The following PPP1R1C variants were observed in gnomAD, a reference collection of about 807,000 sequenced individuals.
PPP1R1C encodes the protein protein phosphatase 1 regulatory inhibitor subunit 1C.
Under a neutral mutation model 17.4 loss-of-function variants are expected in PPP1R1C, and 15 were observed. The ratio of observed to expected loss-of-function variants is 0.86; its 90% confidence interval spans 0.58 to 1.33. The LOEUF is 1.33. Among genes scored for constraint, PPP1R1C ranks in the 40% most tolerant of loss-of-function variants. The pLI, the probability that PPP1R1C is intolerant of heterozygous loss-of-function variation, is 0.00. For synonymous variants in PPP1R1C, 35 were observed against 43.1 expected, an observed-to-expected ratio of 0.81 and a Z score of 0.73; for missense variants, 143 against 130.0, an observed-to-expected ratio of 1.10 and a Z score of -0.48.
chr2:182,079,115 A>G (rs1042390036), intron 4 of PPP1R1C, among the ~76,000 whole-genome samples: 1 of 152,246 alleles, frequency 6.6e-6, no homozygotes, highest in Non-Finnish European at 1.5e-5. Flanking sequence ...AGAAACCATT[A>G]AATCAGGCTA....
At chr2:182,014,426 G>A (rs188695102) in intron 2 of PPP1R1C, among the ~76,000 whole-genome samples, 55 of 152,254 alleles carry the variant, frequency 3.6e-4, no homozygotes, top group African/African-American at 1.3e-3. Context: ...GCTGAGCTGT[G>A]TAGAACTCTG....
downstream of PPP1R1C, among the ~76,000 whole-genome samples, chr2:182,119,050 C>T (rs1559100736): frequency 1.3e-5 from 2 of 151,970 alleles, no homozygotes; most frequent in Non-Finnish European, 2.9e-5. Flanking sequence ...GCTATCCCTC[C>T]CCCCACCACC....
At position 181,961,657 on chromosome 2, in the gene PPP1R1C, A is replaced by G; in HGVS notation, n.111+7023A>G. ...AGTGACCACTGTGGTGCTCTTCTCA[A>G]TCTGCTGAGACCAGCACTTGTCCAG... On this transcript the variant is annotated intron_variant and non_coding_transcript_variant, in intron 1 of 5. Coordinates refer to the PPP1R1C transcript ENST00000464264. The surrounding 1 kb of genome is among the most constrained non-coding windows in gnomAD (Gnocchi z 5.8). The G allele has an allele frequency of 2.7e-6, 2 of 754,396 alleles. No homozygotes were observed. Among genetic ancestry groups the G allele is most frequent in the Non-Finnish European group, 4.8e-6 (2 of 417,068 alleles). 46.7% of individuals were successfully genotyped at this position (754,396 alleles called of 1,614,324 possible).
chr2:182,115,971 G>T (rs147165997), intron 4 of PPP1R1C, among the ~76,000 whole-genome samples: 2,585 of 152,136 alleles, frequency 0.017, 38 homozygotes, highest in South Asian at 0.058. Context: ...GTGTAAAATT[G>T]CCCACGTTAA....
rs1471557631 is a variant in PPP1R1C, at chr2:181,976,009, T to C, written n.157+745T>C. On this transcript the variant is annotated intron_variant and non_coding_transcript_variant, in intron 2 of 5. Coordinates refer to the PPP1R1C transcript ENST00000464264. This position sits in a 1 kb window ranked among gnomAD's most constrained non-coding sequence, Gnocchi z 4.8. The stretch of plus-strand genomic sequence containing the variant: ...TCAAAATGCAAAAGAACCTTAAAAA[T>C]ATTATTTAAAATTATCTTTGTTATT... Among the ~76,000 whole-genome samples the C allele has an allele frequency of 6.6e-6, 1 of 152,108 alleles. No homozygotes were observed. The highest frequency in any genetic ancestry group is 1.5e-5 in the Non-Finnish European group (1 of 67,936).
intron 4 of PPP1R1C, among the ~76,000 whole-genome samples, chr2:182,089,175 A>C (rs914823279): frequency 1.3e-5 from 2 of 152,216 alleles, no homozygotes; most frequent in African/African-American, 4.8e-5. Flanking sequence ...GGAGCCAGAC[A>C]ATTCTGAAAT....
chr2:181,987,756 G>A, intron 1 of PPP1R1C, 83 bp from the exon 2 acceptor site: 1 of 1,401,960 alleles, frequency 7.1e-7, no homozygotes, highest in African/African-American at 1.4e-5. Flanking sequence ...AAAGATGAGG[G>A]TGAGACAGCT....
At chr2:182,095,984 C>CA (rs1337771663) in intron 4 of PPP1R1C, among the ~76,000 whole-genome samples, 2 of 124,502 alleles carry the variant, frequency 1.6e-5, no homozygotes, top group Non-Finnish European at 3.3e-5. Flanking sequence ...CAGACACACA[C>CA]AAAAAAACTC....
chr2:182,114,666 G>A (rs577041213), intron 4 of PPP1R1C, among the ~76,000 whole-genome samples: 68 of 152,244 alleles, frequency 4.5e-4, no homozygotes, highest in African/African-American at 1.2e-3. Context: ...CAAAGAATTC[G>A]TGGTAGATAT....
At chr2:182,035,874 C>G (rs1435047890) in intron 2 of PPP1R1C, among the ~76,000 whole-genome samples, 1 of 152,052 alleles carries the variant, frequency 6.6e-6, no homozygotes, top group Non-Finnish European at 1.5e-5. Flanking sequence ...TTCTTGCTAC[C>G]AATTCTAAAT....
At chr2:181,990,818 C>T (rs758198818) in intron 2 of PPP1R1C, among the ~76,000 whole-genome samples, 3 of 152,124 alleles carry the variant, frequency 2.0e-5, no homozygotes, top group Non-Finnish European at 4.4e-5. Context: ...CTCCTGTCCC[C>T]CAAAAGCAAT....
rs1559088788 is a variant in PPP1R1C at position 182,090,318 on chromosome 2, A to AGTGTGTGTGT, written c.241+26528_241+26529insTGTGTGTGTG. On this transcript the variant is annotated intron_variant, in intron 4 of 4. Coordinates refer to ENST00000682840, the MANE Select transcript of PPP1R1C (RefSeq NM_001080545.3). ...GTGTGTGTGTGTGTGTGTGTGTGTC[A>AGTGTGTGTGT]GAGAGAGACAGAGAGCAAGAGAGAA... is the stretch of plus-strand genomic sequence containing the variant. Among the ~76,000 whole-genome samples the AGTGTGTGTGT allele has an allele frequency of 3.9e-3, 406 of 104,500 alleles. 2 individuals carry two copies. Among genetic ancestry groups the AGTGTGTGTGT allele is most frequent in the African/African-American group, 0.018 (390 of 21,602 alleles). The allele number at this position is 104,500 out of a possible 152,430, so 68.6% of individuals were successfully genotyped here.
intron 2 of PPP1R1C, among the ~76,000 whole-genome samples, chr2:182,051,377 T>C (rs2125188441): frequency 6.6e-6 from 1 of 152,312 alleles, no homozygotes; most frequent in Admixed American, 6.5e-5. Flanking sequence ...AGAGGTGTAA[T>C]ACTGTAGTTG....
chr2:182,038,345 A>G (rs1369089381), intron 2 of PPP1R1C, among the ~76,000 whole-genome samples: 1 of 152,200 alleles, frequency 6.6e-6, no homozygotes, highest in Non-Finnish European at 1.5e-5. Context: ...AGCCTTATTC[A>G]TAATTTTTAA....
chr2:182,026,514 A>G (rs1217034313), intron 2 of PPP1R1C, among the ~76,000 whole-genome samples: 1 of 145,778 alleles, frequency 6.9e-6, no homozygotes, highest in Non-Finnish European at 1.5e-5. Flanking sequence ...AAGATCAGAT[A>G]GTTGTAGATA....
intron 2 of PPP1R1C, among the ~76,000 whole-genome samples, chr2:181,998,288 C>T (rs529681416): frequency 7.9e-5 from 12 of 152,200 alleles, no homozygotes; most frequent in African/African-American, 2.9e-4. Context: ...CGGTCTTTGC[C>T]CATTCTGGTT....
intron 2 of PPP1R1C, among the ~76,000 whole-genome samples, chr2:182,053,261 G>T (rs1184858990): frequency 6.6e-6 from 1 of 152,144 alleles, no homozygotes; most frequent in African/African-American, 2.4e-5. Context: ...AATGTTTTCA[G>T]CTAAAGGGTT....
At chr2:181,964,035 A>G (rs1266957738) in intron 1 of PPP1R1C, among the ~76,000 whole-genome samples, 1 of 152,184 alleles carries the variant, frequency 6.6e-6, no homozygotes, top group Non-Finnish European at 1.5e-5. Context: ...CTGTTGTGCT[A>G]TCAAATACCA....
At chr2:182,030,032 C>T (rs1484545528) in intron 2 of PPP1R1C, among the ~76,000 whole-genome samples, 18 of 108,996 alleles carry the variant, frequency 1.7e-4, no homozygotes, top group South Asian at 1.2e-3. Context: ...GCATTCTTCA[C>T]GTAGTTCTCG....
Sources: gnomAD v4.1 joint callset for allele counts (sites outside exome capture counted in the v4.1 genomes callset) on GRCh38, gnomAD v4.1.1 for gene constraint, Gnocchi (gnomAD v3.1) non-coding constraint, MANE v1.5 for transcripts, NCBI Gene and HGNC (gene_info 2026-07-23, HGNC 2026-07-21) for gene names.